The following RYR2 variants were observed in gnomAD, a reference collection of about 807,000 sequenced individuals.
RYR2 encodes the protein ryanodine receptor 2, also known as cardiac muscle ryanodine receptor-calcium release channel.
RYR2 carries 227 observed loss-of-function variants against 601.1 expected under a neutral mutation model. The observed-to-expected ratio is 0.38, with a 90% CI of 0.34 to 0.42. The LOEUF (loss-of-function observed/expected upper bound fraction) is 0.42. Ranked by LOEUF, RYR2 falls within the 10% of genes least tolerant of loss-of-function variation. The probability of loss-of-function intolerance (pLI) is 1.00; values close to 1 mark genes in which losing one functional copy is unlikely to be tolerated. For synonymous variants in RYR2, 2,223 were observed against 2,175.1 expected (o/e 1.02, Z -0.61); for missense variants, 4,646 against 6,156.5 (o/e 0.75, Z 8.21).
At chr1:237,477,150 T>C (rs1313828817) in intron 17 of RYR2, among the ~76,000 whole-genome samples, 2 of 152,100 alleles carry the variant, frequency 1.3e-5, no homozygotes, top group Non-Finnish European at 2.9e-5. Flanking sequence ...CCCAGCACTT[T>C]GGGAGGCCGA....
intron 12 of RYR2, among the ~76,000 whole-genome samples, chr1:237,433,789 A>G (rs906134737): frequency 1.5e-4 from 23 of 152,210 alleles, no homozygotes; most frequent in African/African-American, 5.3e-4. Flanking sequence ...GACGTAACAT[A>G]TATCTTAGAC....
chr1:237,701,888 C>T (rs1687998159), intron 65 of RYR2, 90 bp from the exon 66 acceptor site: 7 of 697,426 alleles, frequency 1.0e-5, no homozygotes, highest in Non-Finnish European at 1.5e-5. Context: ...AGTATATAGC[C>T]TAAACTGAAT....
rs180795264 is a variant in RYR2, at chr1:237,647,747, A to G, written c.7343-697A>G. On this transcript the variant is annotated intron_variant, in intron 48 of 104. Transcript: ENST00000366574. The stretch of plus-strand genomic sequence containing the variant: ...TTTGGCGTAATTATCATGTGGTCAA[A>G]CAGGAAGTAAATAAATTCTTCAGTA... Among the ~76,000 whole-genome samples, 22 of 152,334 alleles carry G rather than the reference A, an allele frequency of 1.4e-4. No homozygotes were observed. The East Asian group carries it at 4.2e-3, about 29-fold the overall frequency.
In RYR2 at chr1:237,042,425, C is replaced by T; in HGVS notation, c.-97C>T. The T allele has an allele frequency of 8.7e-7, 1 of 1,151,482 alleles. No homozygotes were observed. Among genetic ancestry groups the T allele is most frequent in the East Asian group, 3.5e-5 (1 of 28,244 alleles). The allele number at this position is 1,151,482 out of a possible 1,614,324, so 71.3% of individuals were successfully genotyped here. On this transcript the variant is annotated 5_prime_UTR_variant, in exon 1 of 105. Transcript: ENST00000366574. ...CAGCGCGGCCCCCTCCAGCCCCCGGCTCCCGGCAGCAGAAGCAGAAGGCAG... is the reference window on the plus strand; with the variant it reads ...CAGCGCGGCCCCCTCCAGCCCCCGGTTCCCGGCAGCAGAAGCAGAAGGCAG...
chr1:237,565,240 T>C (rs1207886506), intron 27 of RYR2, among the ~76,000 whole-genome samples: 1 of 149,178 alleles, frequency 6.7e-6, no homozygotes, highest in Admixed American at 6.8e-5. Flanking sequence ...CTTTCTTTCT[T>C]TCTCTCTCTC....
At chr1:237,769,379 C>T (rs1020960916) in intron 84 of RYR2, among the ~76,000 whole-genome samples, 4 of 152,168 alleles carry the variant, frequency 2.6e-5, no homozygotes, top group Admixed American at 2.0e-4. Flanking sequence ...ACTTATCAGC[C>T]AATTATGGGA....
intron 27 of RYR2, among the ~76,000 whole-genome samples, chr1:237,565,796 C>G (rs547949116): frequency 6.6e-6 from 1 of 152,196 alleles, no homozygotes; most frequent in Non-Finnish European, 1.5e-5. Context: ...ACCTTCTCAT[C>G]GTCGTTCTGG....
intron 2 of RYR2, among the ~76,000 whole-genome samples, chr1:237,317,093 GTATT>G (rs1175548098): frequency 2.0e-5 from 3 of 152,202 alleles, no homozygotes; most frequent in African/African-American, 2.4e-5. Context: ...GGACCGAGGA[GTATT>G]TATTTATTTC....
At chr1:237,169,733 C>T (rs1013513035) in intron 1 of RYR2, among the ~76,000 whole-genome samples, 1 of 152,124 alleles carries the variant, frequency 6.6e-6, no homozygotes, top group African/African-American at 2.4e-5. Context: ...AGTAAGCAGA[C>T]TTGCTTGGCG....
intron 62 of RYR2, among the ~76,000 whole-genome samples, chr1:237,686,833 A>C (rs1449228962): frequency 2.6e-5 from 4 of 152,312 alleles, no homozygotes; most frequent in African/African-American, 9.6e-5. Flanking sequence ...TTAAGTTATC[A>C]CATCTGTAAT....
rs1572410659 is a variant in RYR2 at position 237,266,617 on chromosome 1, G to T, written c.49-3880G>T. ...TGGTGTTTGGTTCATTAAATGTTCA[G>T]TATATTTTACTTTCTGTCCAAAAGG... On this transcript the variant is annotated intron_variant, in intron 1 of 104. Coordinates refer to ENST00000366574, the MANE Select transcript of RYR2 (RefSeq NM_001035.3). Among the ~76,000 whole-genome samples the T allele has an allele frequency of 2.0e-5, 3 of 152,194 alleles. No homozygotes were observed. In the East Asian group the frequency reaches 5.8e-4, roughly 29 times the overall value.
intron 21 of RYR2, among the ~76,000 whole-genome samples, chr1:237,502,592 C>G (rs763133415): frequency 6.6e-6 from 1 of 152,236 alleles, no homozygotes; most frequent in South Asian, 2.1e-4. Flanking sequence ...CTCACAGACA[C>G]AGTTCACAAT....
At chr1:237,301,379 A>G (rs1273474258) in intron 2 of RYR2, among the ~76,000 whole-genome samples, 1 of 152,152 alleles carries the variant, frequency 6.6e-6, no homozygotes, top group Non-Finnish European at 1.5e-5. Flanking sequence ...GAAAGATAAA[A>G]AAGTTGTGAT....
chr1:237,632,408 T>G (rs895559266), intron 42 of RYR2, among the ~76,000 whole-genome samples: 15 of 149,040 alleles, frequency 1.0e-4, no homozygotes, highest in Non-Finnish European at 2.1e-4. Context: ...TTTTTTTTTT[T>G]TTTTGAGACG....
chr1:237,172,525 G>A (rs1410056889), intron 1 of RYR2, among the ~76,000 whole-genome samples: 8 of 152,102 alleles, frequency 5.3e-5, no homozygotes. Context: ...AGGAAAGGCA[G>A]TGCTCCAATG....
chr1:237,494,223 A>G (rs1558915435), intron 19 of RYR2, among the ~76,000 whole-genome samples: 1 of 152,156 alleles, frequency 6.6e-6, no homozygotes, highest in East Asian at 1.9e-4. Flanking sequence ...CGCCCGTCTG[A>G]GTCCCAAAAC....
At chr1:237,532,726 A>C (rs1394025282) in intron 25 of RYR2, among the ~76,000 whole-genome samples, 1 of 152,176 alleles carries the variant, frequency 6.6e-6, no homozygotes, top group Non-Finnish European at 1.5e-5. Flanking sequence ...ATTGTATCAA[A>C]TGCTATGCGT....
At chr1:237,405,657 C>G (rs1703789944) in intron 10 of RYR2, among the ~76,000 whole-genome samples, 1 of 152,014 alleles carries the variant, frequency 6.6e-6, no homozygotes, top group Non-Finnish European at 1.5e-5. Flanking sequence ...CTTGACTTTT[C>G]TTTTACCTTT....
chr1:237,152,030 G>T (rs956135841), intron 1 of RYR2, among the ~76,000 whole-genome samples: 1 of 151,958 alleles, frequency 6.6e-6, no homozygotes, highest in Non-Finnish European at 1.5e-5. Flanking sequence ...ACAGGCCCCA[G>T]TGTGTGTTGT....
Sources: allele counts gnomAD v4.1 joint callset (sites outside exome capture counted in the v4.1 genomes callset), GRCh38; gene constraint gnomAD v4.1.1; transcripts MANE v1.5; gene names NCBI Gene and HGNC (gene_info 2026-07-23, HGNC 2026-07-21).